SLIT2: variants seen among roughly 807,000 people sequenced by gnomAD.
SLIT2 encodes the protein slit homolog 2 protein.
SLIT2 carries 41 observed loss-of-function variants against 185.7 expected under a neutral mutation model. The ratio of observed to expected loss-of-function variants is 0.22; its 90% CI spans 0.17 to 0.29. SLIT2 has a LOEUF of 0.29. Among genes scored for constraint, SLIT2 ranks in the 10% least tolerant of loss-of-function variants. SLIT2 has a pLI of 1.00. For missense variants in SLIT2, 1,571 were observed against 1,909.0 expected (o/e 0.82, Z 3.30); for synonymous variants, 693 against 680.2 (o/e 1.02, Z -0.29).
In SLIT2 at chr4:20,309,884, C is replaced by G. The variant is rs964598270; in HGVS notation, c.395+41003C>G. 2.0e-5 allele frequency among the ~76,000 whole-genome samples: 3 copies of G among 151,600 alleles called. No individual in the cohort carries two copies. The East Asian group carries it at 5.9e-4, about 30-fold the overall frequency. On this transcript the variant is annotated intron_variant, in intron 4 of 36. Transcript: ENST00000504154. ...ATGCCATTCTCCTGCCTCAGCCTCCCGAGTAGCTGGGACTACAGGCGCCCA... is the reference window on the plus strand; with the variant it reads ...ATGCCATTCTCCTGCCTCAGCCTCCGGAGTAGCTGGGACTACAGGCGCCCA...
chr4:20,481,417 A>C (rs1394738283), intron 6 of SLIT2, among the ~76,000 whole-genome samples: 1 of 152,164 alleles, frequency 6.6e-6, no homozygotes, highest in Non-Finnish European at 1.5e-5. Context: ...TGACTTAGTA[A>C]TTTTAATGAA....
intron 4 of SLIT2, among the ~76,000 whole-genome samples, chr4:20,331,413 C>T (rs1462086139): frequency 6.6e-6 from 1 of 151,994 alleles, no homozygotes; most frequent in Non-Finnish European, 1.5e-5. Context: ...TTGCATTCTC[C>T]CTGAGAAAAG....
intron 32 of SLIT2, 85 bp downstream of exon 32, chr4:20,596,740 T>C (rs1728011622): frequency 2.2e-6 from 3 of 1,349,872 alleles, no homozygotes; most frequent in East Asian, 2.3e-5. Context: ...TTCTGAATGA[T>C]TGATAGTATG....
chr4:20,361,964 C>T (rs554041261), intron 4 of SLIT2, among the ~76,000 whole-genome samples: 110 of 152,050 alleles, frequency 7.2e-4, no homozygotes, highest in South Asian at 6.2e-3. Context: ...AAATTATTTT[C>T]GACCTTAATT....
intron 15 of SLIT2, among the ~76,000 whole-genome samples, chr4:20,525,932 T>C (rs1721246855): frequency 6.6e-6 from 1 of 152,162 alleles, no homozygotes; most frequent in Non-Finnish European, 1.5e-5. Context: ...CTATCAAGAC[T>C]GATGATTCTA....
At chr4:20,475,976 C>A (rs950604104) in intron 5 of SLIT2, among the ~76,000 whole-genome samples, 3 of 152,102 alleles carry the variant, frequency 2.0e-5, no homozygotes, top group African/African-American at 7.2e-5. Flanking sequence ...ATTAAATTCT[C>A]ACATAATGTA....
intron 4 of SLIT2, among the ~76,000 whole-genome samples, chr4:20,329,174 T>C (rs1399375026): frequency 1.3e-5 from 2 of 151,974 alleles, no homozygotes; most frequent in Non-Finnish European, 2.9e-5. Context: ...GGGTATTAAC[T>C]GTGCCTCAGG....
intron 11 of SLIT2, 29 bp downstream of exon 11, chr4:20,511,166 A>T: frequency 1.4e-6 from 2 of 1,405,968 alleles, no homozygotes; most frequent in Non-Finnish European, 2.0e-6. Context: ...ACTGAAGGAA[A>T]AGAGAAGCCA....
At chr4:20,323,098 G>A (rs1319262752) in intron 4 of SLIT2, among the ~76,000 whole-genome samples, 1 of 152,190 alleles carries the variant, frequency 6.6e-6, no homozygotes, top group South Asian at 2.1e-4. Flanking sequence ...AAGTACTGCT[G>A]TCTGTGTGAG....
At chr4:20,618,563 A>G (rs1242179169) in intron 36 of SLIT2, among the ~76,000 whole-genome samples, 1 of 152,198 alleles carries the variant, frequency 6.6e-6, no homozygotes, top group Non-Finnish European at 1.5e-5. Context: ...TTTATACTCT[A>G]CATAATAGCA....
intron 5 of SLIT2, among the ~76,000 whole-genome samples, chr4:20,472,110 A>G (rs1225796166): frequency 1.3e-5 from 2 of 149,754 alleles, no homozygotes; most frequent in African/African-American, 2.5e-5. Context: ...GTGTTTTTAA[A>G]CTCCCAAAAC....
chr4:20,495,486 A>G (rs1376736528), intron 9 of SLIT2, among the ~76,000 whole-genome samples: 1 of 152,228 alleles, frequency 6.6e-6, no homozygotes, highest in Non-Finnish European at 1.5e-5. Context: ...ATATAGCAAT[A>G]TGAAACATTT....
intron 15 of SLIT2, among the ~76,000 whole-genome samples, chr4:20,526,711 C>T (rs993192614): frequency 6.6e-6 from 1 of 152,124 alleles, no homozygotes; most frequent in African/African-American, 2.4e-5. Context: ...TATCAAATAT[C>T]ATGTCTTAAG....
chr4:20,364,296 T>C, intron 4 of SLIT2: 1 of 984,824 alleles, frequency 1.0e-6, no homozygotes, highest in Non-Finnish European at 1.2e-6. Flanking sequence ...TAAGCATTAA[T>C]TTCAATAATG....
intron 4 of SLIT2, among the ~76,000 whole-genome samples, chr4:20,292,725 T>C (rs1479322449): frequency 6.6e-6 from 1 of 152,234 alleles, no homozygotes; most frequent in Non-Finnish European, 1.5e-5. Context: ...ATTATTTGGT[T>C]AGGGATTAGC....
intron 34 of SLIT2, chr4:20,616,673 A>G (rs946556104): frequency 1.7e-5 from 7 of 418,672 alleles, no homozygotes; most frequent in African/African-American, 6.1e-5. Context: ...TTAACCACCA[A>G]TCAACTAGGT....
intron 4 of SLIT2, among the ~76,000 whole-genome samples, chr4:20,308,937 CTA>C (rs1275285308): frequency 6.6e-6 from 1 of 152,010 alleles, no homozygotes; most frequent in Non-Finnish European, 1.5e-5. Flanking sequence ...ATGAAAAAGA[CTA>C]TGTCATTCTT....
chr4:20,569,426 A>G (rs6827219), intron 29 of SLIT2, among the ~76,000 whole-genome samples: 58,914 of 151,786 alleles, frequency 0.39, 12,323 homozygotes, highest in African/African-American at 0.54. Flanking sequence ...GCTAGTGAGT[A>G]TTTGCCTCTA....
chr4:20,534,061 TA>T (rs1406926325), intron 18 of SLIT2, among the ~76,000 whole-genome samples: 1 of 152,196 alleles, frequency 6.6e-6, no homozygotes, highest in Non-Finnish European at 1.5e-5. Context: ...TTCTACAAAA[TA>T]GATCATCCTT....
Sources: gnomAD v4.1 joint callset for allele counts (sites outside exome capture counted in the v4.1 genomes callset) on GRCh38, gnomAD v4.1.1 for gene constraint, MANE v1.5 for transcripts, NCBI Gene and HGNC (gene_info 2026-07-23, HGNC 2026-07-21) for gene names.